PPARGC1A: variants seen among roughly 807,000 people sequenced by gnomAD.
PPARGC1A encodes the protein peroxisome proliferator-activated receptor gamma coactivator 1-alpha.
Under a neutral mutation model 88.7 loss-of-function variants are expected in PPARGC1A, and 25 were observed. That is an observed-to-expected ratio of 0.28 (90% CI 0.21 to 0.39). PPARGC1A has a LOEUF of 0.39. PPARGC1A is among the 10% of genes least tolerant of loss of function. The pLI is 1.00. For missense variants in PPARGC1A, 880 were observed against 968.7 expected (o/e 0.91, Z 1.22); for synonymous variants, 363 against 355.6 (o/e 1.02, Z -0.24).
At chr4:24,249,964 C>A in the PPARGC1A span, among the ~76,000 whole-genome samples, 1 of 152,168 alleles carries the variant, frequency 6.6e-6, no homozygotes, top group Admixed American at 6.5e-5. Flanking sequence ...CATTAACCAA[C>A]GGGCAGAAGT....
chr4:24,362,705 G>C, the PPARGC1A span, among the ~76,000 whole-genome samples: 4 of 152,164 alleles, frequency 2.6e-5, no homozygotes, highest in Admixed American at 6.6e-5. Context: ...GTCATCCAAA[G>C]AGTTCCATTA....
At chr4:23,871,408 G>T (rs989007318) in intron 2 of PPARGC1A, among the ~76,000 whole-genome samples, 2 of 152,196 alleles carry the variant, frequency 1.3e-5, no homozygotes, top group African/African-American at 4.8e-5. Flanking sequence ...GACCAGCAAG[G>T]AAAAGAAGTC....
At chr4:24,319,671 T>C in the PPARGC1A span, among the ~76,000 whole-genome samples, 1 of 152,250 alleles carries the variant, frequency 6.6e-6, no homozygotes, top group African/African-American at 2.4e-5. Context: ...GCTTTACTTT[T>C]TGATAGAATT....
upstream of PPARGC1A, among the ~76,000 whole-genome samples, chr4:23,908,201 C>A (rs1349880881): frequency 6.6e-6 from 1 of 152,046 alleles, no homozygotes; most frequent in African/African-American, 2.4e-5. Flanking sequence ...ATTTCAAGTG[C>A]CTCTTTAGGT....
the PPARGC1A span, among the ~76,000 whole-genome samples, chr4:24,045,132 G>A: frequency 1.3e-5 from 2 of 152,188 alleles, no homozygotes; most frequent in African/African-American, 4.8e-5. Flanking sequence ...GCAGGTGCCA[G>A]AGGCCCTCAA....
the PPARGC1A span, among the ~76,000 whole-genome samples, chr4:24,092,200 A>G: frequency 6.6e-6 from 1 of 152,008 alleles, no homozygotes; most frequent in African/African-American, 2.4e-5. Context: ...CCCTTCCCCC[A>G]TAAGATGTTC....
chr4:24,000,954 T>C, the PPARGC1A span, among the ~76,000 whole-genome samples: 1 of 152,326 alleles, frequency 6.6e-6, no homozygotes, highest in African/African-American at 2.4e-5. Flanking sequence ...TATCTTTCCT[T>C]TTCTTTTCCA....
the PPARGC1A span, among the ~76,000 whole-genome samples, chr4:24,098,863 A>C: frequency 7.0e-4 from 106 of 152,354 alleles, no homozygotes; most frequent in Admixed American, 2.7e-3. Context: ...CAACATATAG[A>C]TGAGAACCTC....
the PPARGC1A span, among the ~76,000 whole-genome samples, chr4:24,410,903 C>T: frequency 4.6e-5 from 7 of 152,204 alleles, no homozygotes; most frequent in Non-Finnish European, 8.8e-5. Flanking sequence ...TTTTGGGACT[C>T]TGATCCACCA....
At chr4:24,431,369 T>C in the PPARGC1A span, among the ~76,000 whole-genome samples, 1 of 152,028 alleles carries the variant, frequency 6.6e-6, no homozygotes, top group Admixed American at 6.5e-5. Context: ...AAATATGAGA[T>C]GTATACAGGA....
At chr4:24,140,880 C>T in the PPARGC1A span, among the ~76,000 whole-genome samples, 9 of 152,166 alleles carry the variant, frequency 5.9e-5, no homozygotes, top group East Asian at 1.7e-3. Context: ...TCAGCTCCTC[C>T]CCAAAAGAGA....
At chr4:24,049,324 G>A in the PPARGC1A span, among the ~76,000 whole-genome samples, 330 of 69,714 alleles carry the variant, frequency 4.7e-3, 2 homozygotes, top group African/African-American at 9.7e-3. Flanking sequence ...ATATATATAT[G>A]TGTGTGTGTG....
chr4:24,118,030 C>T, the PPARGC1A span, among the ~76,000 whole-genome samples: 4 of 152,100 alleles, frequency 2.6e-5, no homozygotes, highest in Admixed American at 6.5e-5. Context: ...TGGCTTCTCT[C>T]GCTGTAACTC....
At chr4:23,895,974 GTGTGTGTATATA>G (rs200301326) in intron 1 of PPARGC1A, among the ~76,000 whole-genome samples, 22,031 of 77,210 alleles carry the variant, frequency 0.29, 1,836 homozygotes, top group African/African-American at 0.43. Flanking sequence ...GTGTGTGTGT[GTGTGTGTATATA>G]TATATACACA....
At chr4:23,913,176 TATATC>T in the PPARGC1A span, among the ~76,000 whole-genome samples, 1 of 144,746 alleles carries the variant, frequency 6.9e-6, no homozygotes, top group Admixed American at 7.1e-5. Flanking sequence ...ATATATGATA[TATATC>T]ATATTATATA....
the PPARGC1A span, among the ~76,000 whole-genome samples, chr4:24,286,007 G>A: frequency 6.6e-6 from 1 of 152,132 alleles, no homozygotes; most frequent in African/African-American, 2.4e-5. Context: ...AGGAAACAAT[G>A]CTCCTATTAC....
At chr4:23,860,421 T>A (rs1731040008) in intron 2 of PPARGC1A, among the ~76,000 whole-genome samples, 2 of 152,136 alleles carry the variant, frequency 1.3e-5, no homozygotes, top group Admixed American at 6.5e-5. Flanking sequence ...GGACTATGGT[T>A]AGTAATATTG....
the PPARGC1A span, among the ~76,000 whole-genome samples, chr4:24,052,144 C>T: frequency 3.9e-5 from 6 of 152,076 alleles, no homozygotes; most frequent in African/African-American, 7.2e-5. Flanking sequence ...ACCACTACTG[C>T]TATTATTGAA....
At chr4:24,113,807 A>C in the PPARGC1A span, among the ~76,000 whole-genome samples, 14 of 152,238 alleles carry the variant, frequency 9.2e-5, no homozygotes, top group Admixed American at 9.2e-4. Context: ...GGCAATAAAC[A>C]TGAAGAGAAA....
Sources: gnomAD v4.1 joint callset for allele counts (sites outside exome capture counted in the v4.1 genomes callset) on GRCh38, gnomAD v4.1.1 for gene constraint, MANE v1.5 for transcripts, NCBI Gene and HGNC (gene_info 2026-07-23, HGNC 2026-07-21) for gene names.